The following PHLDB2 variants were observed in gnomAD, a reference collection of about 807,000 sequenced individuals.
PHLDB2 encodes pleckstrin homology like domain family B member 2.
In PHLDB2, 71 loss-of-function variants were observed where a neutral mutation model predicts 123.6. That is an observed-to-expected ratio of 0.57 (90% CI 0.47 to 0.70). PHLDB2 has a LOEUF of 0.70. Ranked by LOEUF, PHLDB2 falls within the 30% of genes least tolerant of loss-of-function variation. The probability of loss-of-function intolerance (pLI) is 0.00; values close to 1 mark genes in which losing one functional copy is unlikely to be tolerated. For missense variants in PHLDB2, 1,446 were observed against 1,519.5 expected, an observed-to-expected ratio of 0.95 and a Z score of 0.80; for synonymous variants, 547 against 541.6, an observed-to-expected ratio of 1.01 and a Z score of -0.14.
Position 111,843,808 on chromosome 3 carries a change from T to C in PHLDB2, c.-48-2013T>C, listed in dbSNP as rs145206778. On this transcript the variant is annotated intron_variant, in intron 1 of 17. Transcript: ENST00000393923. Reference sequence around the variant, plus strand: ...GGCTCTCATTTCACTTTTTTGATGGTATTGCTTATAGCACAAAAGTTTTTA... The same window carrying C: ...GGCTCTCATTTCACTTTTTTGATGGCATTGCTTATAGCACAAAAGTTTTTA... Among the ~76,000 whole-genome samples, 238 of 152,352 alleles carry C rather than the reference T, an allele frequency of 1.6e-3. 2 individuals are homozygous for C. The highest frequency in any genetic ancestry group is 5.5e-3 in the African/African-American group (229 of 41,582).
intron 5 of PHLDB2, among the ~76,000 whole-genome samples, chr3:111,920,955 C>A (rs185644243): frequency 0.021 from 3,159 of 152,284 alleles, 125 homozygotes; most frequent in African/African-American, 0.072. Context: ...ATTGGAGTTT[C>A]TAAAATTTTC....
intron 1 of PHLDB2, among the ~76,000 whole-genome samples, chr3:111,873,344 G>A (rs891852446): frequency 1.3e-5 from 2 of 152,164 alleles, no homozygotes; most frequent in African/African-American, 4.8e-5. Flanking sequence ...AATCTGTATT[G>A]TAGTTTAATA....
At chr3:111,956,960 C>T (rs2071096041) in intron 12 of PHLDB2, 1 of 152,196 alleles carries the variant, frequency 6.6e-6, no homozygotes, top group Non-Finnish European at 1.5e-5. Context: ...ATCTTTTAAA[C>T]TTACACAATT....
intron 4 of PHLDB2, 89 bp downstream of exon 4, chr3:111,919,304 A>G: frequency 7.4e-7 from 1 of 1,359,208 alleles, no homozygotes; most frequent in Non-Finnish European, 1.0e-6. Context: ...TGGAGGCCAG[A>G]TACATAGACG....
At chr3:111,878,730 A>G (rs973127068) in intron 1 of PHLDB2, among the ~76,000 whole-genome samples, 7 of 152,174 alleles carry the variant, frequency 4.6e-5, no homozygotes, top group Non-Finnish European at 7.3e-5. Flanking sequence ...CGTTCCATCA[A>G]TGCCTAGTTT....
intron 2 of PHLDB2, among the ~76,000 whole-genome samples, chr3:111,853,355 G>A (rs1344127745): frequency 6.6e-6 from 1 of 152,140 alleles, no homozygotes; most frequent in East Asian, 1.9e-4. Context: ...TCTAAGAAAT[G>A]AAAGTACATT....
chr3:111,753,609 C>G (rs1222489543), intron 1 of PHLDB2, among the ~76,000 whole-genome samples: 7 of 152,166 alleles, frequency 4.6e-5, no homozygotes, highest in Non-Finnish European at 8.8e-5. Flanking sequence ...TGCCTGTTCA[C>G]TCTGATGGTA....
At chr3:111,855,954 G>T (rs1032897638), upstream of PHLDB2, among the ~76,000 whole-genome samples, 2 of 152,026 alleles carry the variant, frequency 1.3e-5, no homozygotes, top group Non-Finnish European at 2.9e-5. Flanking sequence ...TTTAAGACTT[G>T]CACCTTCAGG....
At chr3:111,775,834 TAGTG>T (rs1227064687) in intron 1 of PHLDB2, among the ~76,000 whole-genome samples, 11 of 147,686 alleles carry the variant, frequency 7.4e-5, no homozygotes, top group African/African-American at 3.0e-4. Flanking sequence ...ACTGCTAAAT[TAGTG>T]AGAGCTCAGA....
At chr3:111,870,409 A>G (rs1316390636) in intron 1 of PHLDB2, among the ~76,000 whole-genome samples, 1 of 152,100 alleles carries the variant, frequency 6.6e-6, no homozygotes, top group Non-Finnish European at 1.5e-5. Context: ...GAGGGGACTA[A>G]GGGTTTAACT....
intron 1 of PHLDB2, among the ~76,000 whole-genome samples, chr3:111,761,860 AT>A (rs374112843): frequency 3.3e-5 from 5 of 151,628 alleles, no homozygotes; most frequent in African/African-American, 4.8e-5. Context: ...CCAGCCCAAC[AT>A]TTTTTTTTAA....
intron 5 of PHLDB2, among the ~76,000 whole-genome samples, chr3:111,924,953 C>T (rs773750202): frequency 1.3e-5 from 2 of 152,012 alleles, no homozygotes; most frequent in African/African-American, 4.8e-5. Flanking sequence ...CTCAGCCTCC[C>T]GAGTAGTTGG....
chr3:111,885,792 G>C, intron 2 of PHLDB2: 1 of 578,820 alleles, frequency 1.7e-6, no homozygotes, highest in Non-Finnish European at 3.0e-6. Flanking sequence ...CTTGTGTATG[G>C]TTATGAGAAG....
intron 1 of PHLDB2, among the ~76,000 whole-genome samples, chr3:111,750,229 G>C (rs2107960720): frequency 6.6e-6 from 1 of 152,244 alleles, no homozygotes; most frequent in South Asian, 2.1e-4. Context: ...AATTAAATTA[G>C]AAATAAAAGC....
intron 1 of PHLDB2, among the ~76,000 whole-genome samples, chr3:111,788,993 A>G (rs111377165): frequency 2.2e-4 from 33 of 152,310 alleles, no homozygotes; most frequent in African/African-American, 7.9e-4. Flanking sequence ...GTGGGTAGAG[A>G]AATGAAACGA....
intron 16 of PHLDB2, among the ~76,000 whole-genome samples, chr3:111,970,364 C>T (rs931387288): frequency 3.3e-5 from 5 of 151,922 alleles, no homozygotes; most frequent in African/African-American, 4.8e-5. Context: ...TTCAAACCAC[C>T]ACACCAGAAA....
At chr3:111,793,788 G>T (rs1211316354) in intron 1 of PHLDB2, among the ~76,000 whole-genome samples, 1 of 151,858 alleles carries the variant, frequency 6.6e-6, no homozygotes, top group Non-Finnish European at 1.5e-5. Context: ...TTCTGTCCCA[G>T]GGTTTGTCTA....
At chr3:111,822,031 C>T (rs999422167) in intron 1 of PHLDB2, among the ~76,000 whole-genome samples, 3 of 152,100 alleles carry the variant, frequency 2.0e-5, no homozygotes, top group African/African-American at 7.2e-5. Flanking sequence ...GGCATGACCA[C>T]ATTTCTACAG....
chr3:111,788,724 C>T (rs2060792183), intron 1 of PHLDB2, among the ~76,000 whole-genome samples: 1 of 152,218 alleles, frequency 6.6e-6, no homozygotes. Context: ...CATAAACTTT[C>T]TTAAAACATT....
Sources: gnomAD v4.1 joint callset for allele counts (sites outside exome capture counted in the v4.1 genomes callset) on GRCh38, gnomAD v4.1.1 for gene constraint, MANE v1.5 for transcripts, NCBI Gene and HGNC (gene_info 2026-07-23, HGNC 2026-07-21) for gene names.